The following SLC2A13 variants were observed in gnomAD, a reference collection of about 807,000 sequenced individuals.
The protein encoded by SLC2A13 is proton myo-inositol cotransporter.
Under a neutral mutation model 64.4 loss-of-function variants are expected in SLC2A13, and 32 were observed. The observed-to-expected ratio is 0.50, with a 90% confidence interval of 0.37 to 0.67. The LOEUF (loss-of-function observed/expected upper bound fraction) is 0.67, where lower values mean the gene tolerates loss of function less well. Among genes scored for constraint, SLC2A13 ranks in the 30% least tolerant of loss-of-function variants. The probability of loss-of-function intolerance (pLI) is 0.00; values close to 1 mark genes in which losing one functional copy is unlikely to be tolerated. For missense variants in SLC2A13, 743 were observed against 829.2 expected, an observed-to-expected ratio of 0.90 and a Z score of 1.28; for synonymous variants, 338 against 327.1, an observed-to-expected ratio of 1.03 and a Z score of -0.36.
intron 3 of SLC2A13, among the ~76,000 whole-genome samples, chr12:40,003,804 C>T (rs1163317783): frequency 6.6e-6 from 1 of 151,842 alleles, no homozygotes; most frequent in Non-Finnish European, 1.5e-5. Context: ...GTATTATTCC[C>T]TTTCTGTAGA....
chr12:39,869,120 A>G (rs1045061611), intron 5 of SLC2A13, among the ~76,000 whole-genome samples: 1 of 152,238 alleles, frequency 6.6e-6, no homozygotes, highest in African/African-American at 2.4e-5. Flanking sequence ...TCAAGTATAT[A>G]TCTACATATA....
At chr12:40,101,637 A>G (rs1939152006) in intron 1 of SLC2A13, among the ~76,000 whole-genome samples, 1 of 152,214 alleles carries the variant, frequency 6.6e-6, no homozygotes, top group African/African-American at 2.4e-5. Flanking sequence ...AAAAACCTCT[A>G]AAAGCTCTCC....
chr12:39,923,734 A>G (rs17560267), intron 4 of SLC2A13, among the ~76,000 whole-genome samples: 6,939 of 151,542 alleles, frequency 0.046, 293 homozygotes, highest in Admixed American at 0.13. Context: ...ATATATTTTA[A>G]CACGATAAAA....
rs780114237 is a variant in SLC2A13, at chr12:40,105,515, G to A, written c.294C>T (p.Asp98=). The part of the protein sequence containing the change: ...SALGGFLFGY[D]TGVVSGAMLL... ...GCATGGCCCCTGACACCACCCCGGT[G>A]TCATAGCCAAACAGGAAGCCGCCCA... Residue 98 remains aspartate (D), a synonymous_variant, in exon 1 of 10, where the codon GAC becomes GAT. Coordinates refer to ENST00000280871, the MANE Select transcript of SLC2A13 (RefSeq NM_052885.4). This position sits in a 1 kb window ranked among gnomAD's most constrained non-coding sequence, Gnocchi z 4.2. The A allele has an allele frequency of 1.3e-6, 2 of 1,581,668 alleles. No homozygotes were observed. The highest frequency in any genetic ancestry group is 1.7e-6 in the Non-Finnish European group (2 of 1,166,248).
intron 1 of SLC2A13, among the ~76,000 whole-genome samples, chr12:40,095,419 G>GTCCTTCTTCCAAACT (rs1434560169): frequency 6.6e-6 from 1 of 152,172 alleles, no homozygotes; most frequent in Non-Finnish European, 1.5e-5. Context: ...TCTATGTCCA[G>GTCCTTCTTCCAAACT]CTGTAATTTT....
chr12:40,034,446 A>C (rs893269413), intron 2 of SLC2A13, among the ~76,000 whole-genome samples: 3 of 152,196 alleles, frequency 2.0e-5, no homozygotes, highest in African/African-American at 7.2e-5. Context: ...AATCTCTGAA[A>C]TGTCATCCTG....
chr12:39,794,339 C>G (rs1447966400), intron 7 of SLC2A13, among the ~76,000 whole-genome samples: 1 of 152,082 alleles, frequency 6.6e-6, no homozygotes, highest in East Asian at 1.9e-4. Flanking sequence ...TCTTTAGTTA[C>G]TTGAAAGATA....
At chr12:40,074,143 G>A (rs1360674368) in intron 1 of SLC2A13, among the ~76,000 whole-genome samples, 2 of 146,476 alleles carry the variant, frequency 1.4e-5, no homozygotes, top group Non-Finnish European at 3.0e-5. Flanking sequence ...GCCATGTCCA[G>A]TCTATTAAAG....
intron 2 of SLC2A13, among the ~76,000 whole-genome samples, chr12:40,035,444 A>G (rs746904808): frequency 4.6e-5 from 7 of 152,334 alleles, no homozygotes; most frequent in Non-Finnish European, 7.4e-5. Flanking sequence ...ACATTGCCAC[A>G]TTGAGATCCC....
intron 7 of SLC2A13, among the ~76,000 whole-genome samples, chr12:39,807,120 A>G (rs1480624535): frequency 6.7e-6 from 1 of 148,738 alleles, no homozygotes; most frequent in Non-Finnish European, 1.5e-5. Context: ...AAGTAATTAC[A>G]GTTTTCGCCA....
intron 4 of SLC2A13, among the ~76,000 whole-genome samples, chr12:39,896,380 GTATGTATATGTGTATATA>G (rs1565528212): frequency 3.1e-3 from 413 of 134,178 alleles, no homozygotes; most frequent in African/African-American, 0.012. Context: ...ATACATATAT[GTATGTATATGTGTATATA>G]TGTATACATA....
chr12:39,934,841 T>C (rs1021176858), intron 4 of SLC2A13, among the ~76,000 whole-genome samples: 2 of 152,136 alleles, frequency 1.3e-5, no homozygotes. Flanking sequence ...TCGAAATAAA[T>C]GAAGAAGTTC....
chr12:39,798,601 G>C (rs949390706), intron 7 of SLC2A13, among the ~76,000 whole-genome samples: 2 of 152,182 alleles, frequency 1.3e-5, no homozygotes, highest in East Asian at 3.9e-4. Flanking sequence ...GTCCTGAGCA[G>C]GCCCTCCAGC....
chr12:39,943,581 C>T (rs548546820), intron 4 of SLC2A13, among the ~76,000 whole-genome samples: 2 of 152,312 alleles, frequency 1.3e-5, no homozygotes, highest in African/African-American at 4.8e-5. Context: ...ATTCAAGCCT[C>T]AGTAATGGTG....
intron 4 of SLC2A13, among the ~76,000 whole-genome samples, chr12:39,929,772 G>T (rs1254885725): frequency 7.8e-6 from 1 of 128,432 alleles, no homozygotes; most frequent in Non-Finnish European, 1.8e-5. Context: ...AGGCTTTACA[G>T]CTCCACTGAA....
Position 39,951,335 on chromosome 12 carries a change from T to A in SLC2A13, c.956A>T (p.Tyr319Phe). 2 of 1,609,486 alleles carry A rather than the reference T, an allele frequency of 1.2e-6. No homozygotes were observed. ...AATTAAAGCTCGGCGAGTTGGGGGA[T>A]AACTCAGCATTCTGCAGATCACAGG... The part of the protein sequence containing the change: ...AGPVICRMLS[Y>F]PPTRRALIVG... Residue 319 changes from tyrosine (Y) to phenylalanine (F), a missense_variant, in exon 4 of 10, where the codon TAT becomes TTT. Transcript: ENST00000280871.
chr12:39,821,679 G>A (rs1229289740), intron 7 of SLC2A13, among the ~76,000 whole-genome samples: 1 of 152,180 alleles, frequency 6.6e-6, no homozygotes, highest in Non-Finnish European at 1.5e-5. Flanking sequence ...AGGGAAAAGA[G>A]GACGTGGCAA....
chr12:39,985,578 T>C (rs1193526971), intron 3 of SLC2A13, among the ~76,000 whole-genome samples: 1 of 152,044 alleles, frequency 6.6e-6, no homozygotes, highest in Non-Finnish European at 1.5e-5. Context: ...ATTCAGTGCA[T>C]GGAGAGGTTG....
chr12:39,938,795 T>A (rs2136082504), intron 4 of SLC2A13, among the ~76,000 whole-genome samples: 1 of 152,122 alleles, frequency 6.6e-6, no homozygotes, highest in East Asian at 1.9e-4. Context: ...GGAGACAGGA[T>A]TTTTCAGAGG....
Sources: allele counts gnomAD v4.1 joint callset (sites outside exome capture counted in the v4.1 genomes callset), GRCh38; gene constraint gnomAD v4.1.1; non-coding constraint Gnocchi (gnomAD v3.1); transcripts MANE v1.5; gene names NCBI Gene and HGNC (gene_info 2026-07-23, HGNC 2026-07-21).